The following SCN8A variants were observed in gnomAD, a reference collection of about 807,000 sequenced individuals.
The protein encoded by SCN8A is sodium voltage-gated channel alpha subunit 8.
Under a neutral mutation model 184.1 loss-of-function variants are expected in SCN8A, and 30 were observed. The observed-to-expected ratio is 0.16, with a 90% confidence interval of 0.12 to 0.22. The LOEUF is 0.22. Among genes scored for constraint, SCN8A ranks in the 10% least tolerant of loss-of-function variants. The pLI, the probability that SCN8A is intolerant of heterozygous loss-of-function variation, is 1.00. For synonymous variants in SCN8A, 852 were observed against 907.0 expected, an observed-to-expected ratio of 0.94 and a Z score of 1.09; for missense variants, 1,057 against 2,498.9, an observed-to-expected ratio of 0.42 and a Z score of 12.30.
intron 6 of SCN8A, among the ~76,000 whole-genome samples, chr12:51,694,758 A>T (rs1163013435): frequency 1.3e-5 from 2 of 152,236 alleles, no homozygotes; most frequent in Non-Finnish European, 2.9e-5. Flanking sequence ...GAATGATGGC[A>T]TTCTACATTC....
chr12:51,808,741 C>T lies in SCN8A; in HGVS notation c.*1312C>T, dbSNP rs1938795205. ...ATTGTGGCTTTCTCCAGGCATGGGT[C>T]GATACCGCGAGGGGTTCAGATATTC... is the stretch of plus-strand genomic sequence containing the variant. On this transcript the variant is annotated 3_prime_UTR_variant, in exon 27 of 27. Coordinates refer to ENST00000627620, the MANE Select transcript of SCN8A (RefSeq NM_001330260.2). The T allele has an allele frequency of 1.3e-5, 2 of 152,120 alleles. No homozygotes were observed. Among genetic ancestry groups the T allele is most frequent in the South Asian group, 2.1e-4 (1 of 4,822 alleles). The allele number at this position is 152,120 out of a possible 1,614,324, so 9.4% of individuals were successfully genotyped here. A position where few individuals can be genotyped will look rare whatever the true frequency, so the allele number is the denominator to read the frequency against.
Position 51,756,291 on chromosome 12 carries a change from T to C in SCN8A, c.2370+4698T>C, listed in dbSNP as rs1291044398. On this transcript the variant is annotated intron_variant, in intron 14 of 26. Coordinates refer to ENST00000627620, the MANE Select transcript of SCN8A (RefSeq NM_001330260.2). Reference sequence around the variant, plus strand: ...AAACTAGGCGACATCCTCCTCACCCTGATGAGCTCTCACACCCTCACTGTC... The same window carrying C: ...AAACTAGGCGACATCCTCCTCACCCCGATGAGCTCTCACACCCTCACTGTC... Among the ~76,000 whole-genome samples, 3 of 152,288 alleles carry C rather than the reference T, an allele frequency of 2.0e-5. No individual in the cohort carries two copies. In the East Asian group the frequency reaches 5.8e-4, roughly 29 times the overall value.
intron 1 of SCN8A, among the ~76,000 whole-genome samples, chr12:51,654,574 A>G (rs953323249): frequency 2.6e-5 from 4 of 151,824 alleles, no homozygotes; most frequent in Non-Finnish European, 5.9e-5. Context: ...CCAGTACCAC[A>G]TTGTTTTGAT....
chr12:51,704,446 G>C (rs906917457), intron 9 of SCN8A, among the ~76,000 whole-genome samples: 7 of 151,570 alleles, frequency 4.6e-5, no homozygotes, highest in Non-Finnish European at 1.0e-4. Flanking sequence ...GAGGCAGGTG[G>C]ATCACTTGAG....
chr12:51,682,123 G>T (rs541188008), intron 2 of SCN8A, among the ~76,000 whole-genome samples: 1 of 152,154 alleles, frequency 6.6e-6, no homozygotes, highest in Admixed American at 6.5e-5. Context: ...TTAATATGTT[G>T]CATTACATTG....
intron 1 of SCN8A, among the ~76,000 whole-genome samples, chr12:51,651,277 T>G (rs1304376432): frequency 2.0e-5 from 3 of 152,214 alleles, no homozygotes; most frequent in African/African-American, 7.2e-5. Context: ...GATCTCGGCC[T>G]GCTGCAACCT....
At chr12:51,725,832 C>G (rs1275213208) in intron 12 of SCN8A, among the ~76,000 whole-genome samples, 1 of 152,046 alleles carries the variant, frequency 6.6e-6, no homozygotes, top group East Asian at 1.9e-4. Context: ...AAATTAATAC[C>G]TCTTGGGGCT....
intron 1 of SCN8A, among the ~76,000 whole-genome samples, chr12:51,614,265 T>C (rs1043125838): frequency 1.3e-5 from 2 of 152,124 alleles, no homozygotes; most frequent in African/African-American, 4.8e-5. Context: ...GAAGGTTCTT[T>C]TGTTAGTTAC....
intron 1 of SCN8A, among the ~76,000 whole-genome samples, chr12:51,654,040 C>G (rs1166295148): frequency 6.6e-6 from 1 of 152,012 alleles, no homozygotes; most frequent in Non-Finnish European, 1.5e-5. Flanking sequence ...CTATTTTTAA[C>G]TGGGTTTTGT....
intron 1 of SCN8A, among the ~76,000 whole-genome samples, chr12:51,651,397 G>T (rs913700637): frequency 6.6e-6 from 1 of 152,274 alleles, no homozygotes; most frequent in South Asian, 2.1e-4. Context: ...TAGAGATGGG[G>T]TTTCTCTATG....
At chr12:51,616,189 T>G (rs1189664670) in intron 1 of SCN8A, among the ~76,000 whole-genome samples, 1 of 152,240 alleles carries the variant, frequency 6.6e-6, no homozygotes, top group Non-Finnish European at 1.5e-5. Flanking sequence ...TAGCATTTCT[T>G]TTAGAGCAGT....
intron 6 of SCN8A, 115 bp downstream of exon 6, chr12:51,689,211 CA>C: frequency 1.2e-6 from 1 of 808,698 alleles, no homozygotes; most frequent in Non-Finnish European, 2.0e-6. Context: ...TTGCATTCTG[CA>C]TGTTTTTCCT....
intron 16 of SCN8A, 54 bp downstream of exon 16, chr12:51,766,081 G>GAA: frequency 7.1e-7 from 1 of 1,416,432 alleles, no homozygotes; most frequent in South Asian, 1.1e-5. Context: ...TTCTACCCCT[G>GAA]GCCCAGAAGC....
At chr12:51,624,139 G>T (rs1279835716) in intron 1 of SCN8A, among the ~76,000 whole-genome samples, 1 of 152,206 alleles carries the variant, frequency 6.6e-6, no homozygotes, top group Non-Finnish European at 1.5e-5. Flanking sequence ...TAATGGGATT[G>T]CTGGGTCTAA....
At chr12:51,628,793 G>T (rs1440216370) in intron 1 of SCN8A, among the ~76,000 whole-genome samples, 2 of 152,060 alleles carry the variant, frequency 1.3e-5, no homozygotes, top group Non-Finnish European at 2.9e-5. Flanking sequence ...TTTCATGTTC[G>T]CTTTCAATCT....
chr12:51,608,952 G>C (rs1000193218), intron 1 of SCN8A, among the ~76,000 whole-genome samples: 1 of 152,066 alleles, frequency 6.6e-6, no homozygotes, highest in African/African-American at 2.4e-5. Context: ...CGTTCAGTTT[G>C]AAGAATTTTT....
intron 1 of SCN8A, among the ~76,000 whole-genome samples, chr12:51,597,920 G>A (rs149117764): frequency 0.011 from 1,648 of 152,162 alleles, 14 homozygotes; most frequent in Non-Finnish European, 0.016. Flanking sequence ...GAAGCTGAAT[G>A]CTTTTAAGTG....
chr12:51,801,002 T>C (rs921682961), intron 26 of SCN8A, among the ~76,000 whole-genome samples: 1 of 152,176 alleles, frequency 6.6e-6, no homozygotes, highest in African/African-American at 2.4e-5. Context: ...GGCATGATTC[T>C]CTATTTTTAT....
In SCN8A at chr12:51,786,649, G is replaced by C. The variant is rs1197438038; in HGVS notation, c.4050G>C (p.Ala1350=). ...IFSIMGVNLF[A]GKYHYCFNET... ...GCATCATGGGAGTTAACTTGTTTGCGGGAAAGTACCACTACTGCTTTAATG... is the reference window on the plus strand; with the variant it reads ...GCATCATGGGAGTTAACTTGTTTGCCGGAAAGTACCACTACTGCTTTAATG... The change falls in exon 22 of 27, where the codon GCG becomes GCC. Residue 1350 remains alanine (A), a synonymous_variant. Coordinates refer to ENST00000627620, the MANE Select transcript of SCN8A (RefSeq NM_001330260.2). 6.2e-7 allele frequency: 1 copy of C among 1,613,978 alleles called. No individual in the cohort carries two copies. Among genetic ancestry groups the C allele is most frequent in the East Asian group, 2.2e-5 (1 of 44,884 alleles).
Sources: allele counts gnomAD v4.1 joint callset (sites outside exome capture counted in the v4.1 genomes callset), GRCh38; gene constraint gnomAD v4.1.1; transcripts MANE v1.5; gene names NCBI Gene and HGNC (gene_info 2026-07-23, HGNC 2026-07-21).